CNTN6: variants seen among roughly 807,000 people sequenced by gnomAD.
The protein encoded by CNTN6 is contactin 6.
A neutral mutation model predicts 122.8 loss-of-function variants in CNTN6; 137 were observed. The observed-to-expected ratio is 1.12, with a 90% CI of 0.97 to 1.29. The LOEUF (loss-of-function observed/expected upper bound fraction) is 1.29, where lower values mean the gene tolerates loss of function less well. Among genes scored for constraint, CNTN6 ranks in the 50% most tolerant of loss-of-function variants. The pLI, the probability that CNTN6 is intolerant of heterozygous loss-of-function variation, is 0.00. For missense variants in CNTN6, 1,634 were observed against 1,223.4 expected (o/e 1.34, Z -5.01); for synonymous variants, 570 against 426.0 (o/e 1.34, Z -4.16).
At chr3:1,322,014 T>A (rs1700931258) in intron 8 of CNTN6, among the ~76,000 whole-genome samples, 180 bp downstream of exon 8, 1 of 149,768 alleles carries the variant, frequency 6.7e-6, no homozygotes, top group Non-Finnish European at 1.5e-5. Context: ...TAAAATATGG[T>A]TTTAATTTTA....
chr3:1,356,516 C>G (rs1363155601), intron 12 of CNTN6, among the ~76,000 whole-genome samples: 1 of 151,768 alleles, frequency 6.6e-6, no homozygotes, highest in Non-Finnish European at 1.5e-5. Context: ...TAATTGGAGG[C>G]TTCGTGGCTC....
chr3:1,260,888 C>T (rs772883166), intron 4 of CNTN6, among the ~76,000 whole-genome samples: 1 of 152,094 alleles, frequency 6.6e-6, no homozygotes, highest in Non-Finnish European at 1.5e-5. Flanking sequence ...CCAATTAAAC[C>T]TCTTTCCTTT....
chr3:1,234,562 C>T (rs1362120800), intron 4 of CNTN6, among the ~76,000 whole-genome samples: 2 of 152,046 alleles, frequency 1.3e-5, no homozygotes, highest in East Asian at 3.9e-4. Context: ...GCAGAAGAAG[C>T]TTTAAAAATA....
At chr3:1,273,834 G>A (rs895285234) in intron 4 of CNTN6, among the ~76,000 whole-genome samples, 1 of 152,182 alleles carries the variant, frequency 6.6e-6, no homozygotes, top group Non-Finnish European at 1.5e-5. Flanking sequence ...TATTTAAGTG[G>A]AAGTGAACAC....
At chr3:1,305,003 A>AC in intron 7 of CNTN6, among the ~76,000 whole-genome samples, 1 of 151,680 alleles carries the variant, frequency 6.6e-6, no homozygotes, top group Middle Eastern at 3.2e-3. Flanking sequence ...AAAAAAAAAA[A>AC]ACAAAATTCA....
intron 1 of CNTN6, among the ~76,000 whole-genome samples, chr3:1,142,953 T>C (rs1427049252): frequency 8.4e-6 from 1 of 118,520 alleles, no homozygotes; most frequent in African/African-American, 3.6e-5. Context: ...TACATATAAA[T>C]TTGTGTGTGT....
intron 7 of CNTN6, among the ~76,000 whole-genome samples, chr3:1,319,544 T>C (rs1256415637): frequency 6.6e-6 from 1 of 151,556 alleles, no homozygotes; most frequent in African/African-American, 2.4e-5. Flanking sequence ...ATGACTTCTG[T>C]CTTCACAATC....
At chr3:1,310,772 C>T (rs927675891) in intron 7 of CNTN6, among the ~76,000 whole-genome samples, 3 of 152,028 alleles carry the variant, frequency 2.0e-5, no homozygotes, top group East Asian at 1.9e-4. Flanking sequence ...GAGGCTGAGG[C>T]GGGCAGATCG....
At chr3:1,204,685 A>C (rs1050128496) in intron 2 of CNTN6, among the ~76,000 whole-genome samples, 6 of 152,184 alleles carry the variant, frequency 3.9e-5, no homozygotes, top group Admixed American at 3.9e-4. Context: ...TTTGAGAGTG[A>C]AATTTCTCCC....
At chr3:1,377,137 T>G in intron 17 of CNTN6, 62 bp downstream of exon 17, 1 of 1,160,070 alleles carries the variant, frequency 8.6e-7, no homozygotes, top group Non-Finnish European at 1.3e-6. Flanking sequence ...AGAAAGAAAC[T>G]GAAAAACAAA....
intron 1 of CNTN6, among the ~76,000 whole-genome samples, chr3:1,120,356 A>G (rs1453135777): frequency 6.6e-6 from 1 of 151,892 alleles, no homozygotes. Flanking sequence ...CCTCGTCATC[A>G]GTGTTTGGCA....
At chr3:1,285,179 A>T (rs1042886632) in intron 5 of CNTN6, among the ~76,000 whole-genome samples, 1 of 152,232 alleles carries the variant, frequency 6.6e-6, no homozygotes, top group African/African-American at 2.4e-5. Context: ...GATAATTACC[A>T]GTCTTCAGTA....
intron 4 of CNTN6, among the ~76,000 whole-genome samples, chr3:1,263,071 G>C (rs904920325): frequency 1.3e-5 from 2 of 151,988 alleles, no homozygotes; most frequent in East Asian, 3.9e-4. Flanking sequence ...TCTCACAACA[G>C]TCAAATAATA....
At chr3:1,332,671 G>A (rs934645742) in intron 11 of CNTN6, among the ~76,000 whole-genome samples, 1 of 151,922 alleles carries the variant, frequency 6.6e-6, no homozygotes, top group Non-Finnish European at 1.5e-5. Flanking sequence ...CCTGTTGAGA[G>A]CCTGACTTTG....
rs144450569 is a variant in CNTN6, at chr3:1,110,036, T to G, written c.-83+16916T>G. Among the ~76,000 whole-genome samples the G allele has an allele frequency of 2.8e-4, 42 of 152,252 alleles. No individual in the cohort carries two copies. In the East Asian group the frequency reaches 8.1e-3, roughly 29 times the overall value. On this transcript the variant is annotated intron_variant, in intron 1 of 22. Transcript: ENST00000446702. ...AGTGGAGCATTTATTTATCAGCTTT[T>G]CCATTTGCTTGAATATTTTACATGG... is the stretch of plus-strand genomic sequence containing the variant.
At position 1,295,617 on chromosome 3, in the gene CNTN6, G is replaced by C; in HGVS notation, c.471G>C (p.Trp157Cys). 1 of 1,613,524 alleles carries C rather than the reference G, an allele frequency of 6.2e-7. No homozygotes were observed. The highest frequency in any genetic ancestry group is 8.5e-7 in the Non-Finnish European group (1 of 1,179,700). ...PPHFGDLSYA[W>C]TFNDNPLYVQ... ...GTTTTTCAGATTTATCTTATGCATG[G>C]ACCTTCAATGATAACCCCTTATACG... is the stretch of plus-strand genomic sequence containing the variant. The change falls in exon 6 of 23, where the codon TGG becomes TGC. Residue 157 changes from tryptophan to cysteine, a missense_variant. Physicochemically the swap from Trp to Cys is radical, Grantham distance 215. Transcript: ENST00000446702.
chr3:1,246,417 A>T (rs561685139), intron 4 of CNTN6, among the ~76,000 whole-genome samples: 2 of 152,174 alleles, frequency 1.3e-5, no homozygotes, highest in Non-Finnish European at 2.9e-5. Context: ...TATTGTATGA[A>T]TATAATGCAG....
At chr3:1,387,410 C>T (rs1693195331) in intron 20 of CNTN6, among the ~76,000 whole-genome samples, 1 of 152,172 alleles carries the variant, frequency 6.6e-6, no homozygotes, top group Non-Finnish European at 1.5e-5. Context: ...GTATGATTTG[C>T]TTCTTTGGTC....
intron 11 of CNTN6, among the ~76,000 whole-genome samples, chr3:1,336,166 A>G (rs1703033214): frequency 1.3e-5 from 2 of 151,128 alleles, no homozygotes; most frequent in Non-Finnish European, 2.9e-5. Context: ...ATTTCTTAAA[A>G]TCAAATAAAT....
Sources: gnomAD v4.1 joint callset for allele counts (sites outside exome capture counted in the v4.1 genomes callset) on GRCh38, gnomAD v4.1.1 for gene constraint, MANE v1.5 for transcripts, NCBI Gene and HGNC (gene_info 2026-07-23, HGNC 2026-07-21) for gene names.